The following MINAR1 variants were observed in gnomAD, a reference collection of about 807,000 sequenced individuals.
The protein encoded by MINAR1 is major intrinsically disordered Notch2-binding receptor 1.
Under a neutral mutation model 65.1 loss-of-function variants are expected in MINAR1, and 40 were observed. The ratio of observed to expected loss-of-function variants is 0.61; its 90% CI spans 0.48 to 0.80. MINAR1 has a LOEUF of 0.80. Ranked by LOEUF, MINAR1 falls within the 30% of genes least tolerant of loss-of-function variation. MINAR1 has a pLI of 0.00. For missense variants in MINAR1, 1,128 were observed against 1,148.0 expected, an observed-to-expected ratio of 0.98 and a Z score of 0.25; for synonymous variants, 482 against 449.1, an observed-to-expected ratio of 1.07 and a Z score of -0.93.
At chr15:79,467,809 GA>G (rs1358360140) in intron 3 of MINAR1, among the ~76,000 whole-genome samples, 1 of 152,224 alleles carries the variant, frequency 6.6e-6, no homozygotes, top group Non-Finnish European at 1.5e-5. Flanking sequence ...CCTGTTGGAA[GA>G]AAGCATTTTT....
chr15:79,418,542 TGTGATGG>T, the MINAR1 span: 1 of 152,220 alleles, frequency 6.6e-6, no homozygotes, highest in South Asian at 2.1e-4. Context: ...GTGTTGAATC[TGTGATGG>T]GTCCTTGAAA....
In MINAR1 at chr15:79,457,175, C is replaced by T. The variant is rs769838385; in HGVS notation, c.1028C>T (p.Thr343Ile). Reference protein sequence around the residue: ...DLQASTYFGPTPVMGTQEARR... With the variant: ...DLQASTYFGPIPVMGTQEARR... Reference sequence around the variant, plus strand: ...CAAGCCTCTACATATTTTGGGCCCACTCCCGTGATGGGAACCCAAGAAGCC... The same window carrying T: ...CAAGCCTCTACATATTTTGGGCCCATTCCCGTGATGGGAACCCAAGAAGCC... Residue 343 changes from threonine to isoleucine, a missense_variant, in exon 2 of 4, where the codon ACT becomes ATT. Physicochemically the swap from Thr to Ile is moderately conservative, Grantham distance 89 (BLOSUM62 -1). Coordinates refer to ENST00000305428, the MANE Select transcript of MINAR1 (RefSeq NM_015206.3). The T allele has an allele frequency of 1.2e-6, 2 of 1,614,172 alleles. No individual in the cohort carries two copies. The highest frequency in any genetic ancestry group is 1.1e-5 in the South Asian group (1 of 91,074).
chr15:79,443,797 C>T (rs1894937129), intron 1 of MINAR1, among the ~76,000 whole-genome samples: 1 of 152,136 alleles, frequency 6.6e-6, no homozygotes, highest in Non-Finnish European at 1.5e-5. Flanking sequence ...TATGTGCATG[C>T]TTATCTAGGG....
the MINAR1 span, chr15:79,411,586 A>C: frequency 1.5e-6 from 1 of 687,202 alleles, no homozygotes; most frequent in South Asian, 1.5e-5. Context: ...GCTGCTGCAC[A>C]GAGCTACCAT....
chr15:79,471,832 C>T lies in MINAR1; in HGVS notation c.*3448C>T, dbSNP rs189572722. 19 of 152,544 alleles carry T rather than the reference C, an allele frequency of 1.2e-4. No individual in the cohort carries two copies. Among genetic ancestry groups the T allele is most frequent in the Non-Finnish European group, 2.4e-4 (16 of 67,996 alleles). The allele number at this position is 152,544 out of a possible 1,614,324, so 9.4% of individuals were successfully genotyped here. ...CAACATGCTTCATATTATAACCAAC[C>T]TGCAAGAATATTGTGGTCAATTGTG... On this transcript the variant is annotated 3_prime_UTR_variant, in exon 4 of 4. Coordinates refer to ENST00000305428, the MANE Select transcript of MINAR1 (RefSeq NM_015206.3).
At chr15:79,459,340 C>A (rs1322377312) in intron 2 of MINAR1, among the ~76,000 whole-genome samples, 1 of 152,214 alleles carries the variant, frequency 6.6e-6, no homozygotes, top group Non-Finnish European at 1.5e-5. Flanking sequence ...TAGCAGACTT[C>A]ACTTCCTCAG....
chr15:79,429,722 G>A (rs1187396126), upstream of MINAR1, among the ~76,000 whole-genome samples: 1 of 152,218 alleles, frequency 6.6e-6, no homozygotes, highest in Non-Finnish European at 1.5e-5. Flanking sequence ...AATGCCTTGG[G>A]TCCATAGATA....
At chr15:79,447,749 GC>G in intron 1 of MINAR1, among the ~76,000 whole-genome samples, 1 of 152,060 alleles carries the variant, frequency 6.6e-6, no homozygotes, top group African/African-American at 2.4e-5. Context: ...ATAAATTTGG[GC>G]CCCAAAATAT....
At chr15:79,433,857 G>T (rs936584541) in intron 1 of MINAR1, among the ~76,000 whole-genome samples, 3 of 152,166 alleles carry the variant, frequency 2.0e-5, no homozygotes, top group Non-Finnish European at 2.9e-5. Context: ...TTGAGAGCCC[G>T]GCGGCAATAT....
Position 79,433,369 on chromosome 15 carries a change from A to G in MINAR1, c.-51+829A>G, listed in dbSNP as rs528359179. 2.0e-5 allele frequency among the ~76,000 whole-genome samples: 3 copies of G among 152,370 alleles called. No individual in the cohort carries two copies. The East Asian group carries it at 5.8e-4, about 29-fold the overall frequency. ...CGGCTGGTAGCCTGTGTTAAGCAGCAGGGAAGATAAGGTTGTGTTCAGGTG... is the reference window on the plus strand; with the variant it reads ...CGGCTGGTAGCCTGTGTTAAGCAGCGGGGAAGATAAGGTTGTGTTCAGGTG... On this transcript the variant is annotated intron_variant, in intron 1 of 3. Transcript: ENST00000305428.
chr15:79,455,332 A>AT (rs1362857247), intron 1 of MINAR1, among the ~76,000 whole-genome samples: 1 of 152,136 alleles, frequency 6.6e-6, no homozygotes, highest in East Asian at 1.9e-4. Flanking sequence ...TTATTTTCAT[A>AT]TTTTTTTCAC....
At chr15:79,447,417 C>T (rs1895054486) in intron 1 of MINAR1, among the ~76,000 whole-genome samples, 1 of 151,816 alleles carries the variant, frequency 6.6e-6, no homozygotes, top group African/African-American at 2.4e-5. Context: ...TAATTTTATG[C>T]CTTTACTTAT....
chr15:79,459,126 G>A (rs1289986664), intron 2 of MINAR1, among the ~76,000 whole-genome samples: 2 of 151,304 alleles, frequency 1.3e-5, no homozygotes. Flanking sequence ...GTTGCAGTGA[G>A]CTGAGATCAT....
upstream of MINAR1, among the ~76,000 whole-genome samples, chr15:79,427,896 A>T (rs2141269383): frequency 6.6e-6 from 1 of 152,302 alleles, no homozygotes; most frequent in South Asian, 2.1e-4. Flanking sequence ...ATTCTTGGGC[A>T]GCTCAGAGGA....
intron 1 of MINAR1, among the ~76,000 whole-genome samples, chr15:79,443,577 T>A (rs1379916532): frequency 6.6e-6 from 1 of 152,242 alleles, no homozygotes; most frequent in East Asian, 1.9e-4. Context: ...TTGAGGTTTT[T>A]TTTCCAATTA....
chr15:79,466,765 C>T (rs1189189862), intron 3 of MINAR1, among the ~76,000 whole-genome samples: 1 of 152,142 alleles, frequency 6.6e-6, no homozygotes, highest in African/African-American at 2.4e-5. Flanking sequence ...AAGGAGGGGA[C>T]TCTTTACAAT....
intron 1 of MINAR1, among the ~76,000 whole-genome samples, chr15:79,441,139 C>G (rs1196282278): frequency 6.6e-6 from 1 of 152,072 alleles, no homozygotes; most frequent in Non-Finnish European, 1.5e-5. Context: ...ATTCCCCTTG[C>G]CAGGATTTGC....
rs377379728 is a variant in MINAR1, at chr15:79,460,722, C to T, written c.2298+2277C>T. Among the ~76,000 whole-genome samples, 6 of 152,228 alleles carry T rather than the reference C, an allele frequency of 3.9e-5. No homozygotes were observed. In the East Asian group the frequency reaches 9.6e-4, roughly 24 times the overall value. On this transcript the variant is annotated intron_variant, in intron 2 of 3. Coordinates refer to ENST00000305428, the MANE Select transcript of MINAR1 (RefSeq NM_015206.3). ...CCACTCTTCTCTGACTCTCCTTTGCCTCTGCAAAGAGTTGCAAACGTCTTA... is the reference window on the plus strand; with the variant it reads ...CCACTCTTCTCTGACTCTCCTTTGCTTCTGCAAAGAGTTGCAAACGTCTTA...
Position 79,457,757 on chromosome 15 carries a change from T to C in MINAR1, c.1610T>C (p.Ile537Thr). 1 of 1,614,176 alleles carries C rather than the reference T, an allele frequency of 6.2e-7. No homozygotes were observed. The highest frequency in any genetic ancestry group is 1.1e-5 in the South Asian group (1 of 91,084). Residue 537 changes from isoleucine (I) to threonine (T), a missense_variant, in exon 2 of 4, where the codon ATA (isoleucine) becomes ACA (threonine). Coordinates refer to ENST00000305428, the MANE Select transcript of MINAR1 (RefSeq NM_015206.3). ...DMSISGSTGVIQSSCYNSTGS... is the reference protein window; with the variant it reads ...DMSISGSTGVTQSSCYNSTGS... ...AGCATCAGTGGCTCCACGGGAGTGA[T>C]ACAGTCGTCCTGCTACAACAGCACA...
Sources: allele counts gnomAD v4.1 joint callset (sites outside exome capture counted in the v4.1 genomes callset), GRCh38; gene constraint gnomAD v4.1.1; transcripts MANE v1.5; gene names NCBI Gene and HGNC (gene_info 2026-07-23, HGNC 2026-07-21).